The following INHBA variants were observed in gnomAD, a reference collection of about 807,000 sequenced individuals.
INHBA encodes inhibin beta A chain.
Under a neutral mutation model 29.0 loss-of-function variants are expected in INHBA, and 1 was observed. The ratio of observed to expected loss-of-function variants is 0.03; its 90% confidence interval spans 0.01 to 0.16. The LOEUF (loss-of-function observed/expected upper bound fraction) is 0.16. Ranked by LOEUF, INHBA falls within the 10% of genes least tolerant of loss-of-function variation. The pLI is 1.00. For missense variants in INHBA, 376 were observed against 545.4 expected, an observed-to-expected ratio of 0.69 and a Z score of 3.09; for synonymous variants, 242 against 216.8, an observed-to-expected ratio of 1.12 and a Z score of -1.02.
At position 41,685,158 on chromosome 7, in the gene INHBA, C is replaced by T. The variant is rs895731008; in HGVS notation, c.*4492G>A. On this transcript the variant is annotated 3_prime_UTR_variant, in exon 3 of 3. Coordinates refer to ENST00000242208, the MANE Select transcript of INHBA (RefSeq NM_002192.4). The stretch of plus-strand genomic sequence containing the variant: ...TTTATTTAACATAAGGCCAAAGAAG[C>T]TATCAGGCGTTGCTGAATACTGTCC... 2 of 152,068 alleles carry T rather than the reference C, an allele frequency of 1.3e-5. No individual in the cohort carries two copies. The highest frequency in any genetic ancestry group is 1.9e-4 in the East Asian group (1 of 5,192). 9.4% of individuals were successfully genotyped at this position (152,068 alleles called of 1,614,324 possible).
upstream of INHBA, among the ~76,000 whole-genome samples, chr7:41,704,971 G>T (rs932358160): frequency 5.9e-5 from 9 of 152,072 alleles, no homozygotes; most frequent in Non-Finnish European, 1.3e-4. Context: ...TGCCAGGCCA[G>T]CCTACCAGCC....
At position 41,703,041 on chromosome 7, in the gene INHBA, T is replaced by A. The variant is rs1038290802; in HGVS notation, c.-180A>T. 1 of 152,228 alleles carries A rather than the reference T, an allele frequency of 6.6e-6. No individual in the cohort carries two copies. The highest frequency in any genetic ancestry group is 1.9e-4 in the East Asian group (1 of 5,202). The allele number at this position is 152,228 out of a possible 1,614,324, so 9.4% of individuals were successfully genotyped here. ...CCACTCTTCCACCAGCCGGCTCTTG[T>A]ATCATGTGGTAAGAGCTGTCTGAGC... On this transcript the variant is annotated 5_prime_UTR_variant, in exon 1 of 3. Coordinates refer to ENST00000242208, the MANE Select transcript of INHBA (RefSeq NM_002192.4).
upstream of INHBA, among the ~76,000 whole-genome samples, chr7:41,704,557 C>G (rs1794867513): frequency 6.6e-6 from 1 of 151,684 alleles, no homozygotes; most frequent in African/African-American, 2.4e-5. Context: ...TCACCCCTGA[C>G]CCACACATGA....
At chr7:41,702,288 A>G (rs1437367720) in intron 1 of INHBA, among the ~76,000 whole-genome samples, 1 of 152,228 alleles carries the variant, frequency 6.6e-6, no homozygotes, top group Non-Finnish European at 1.5e-5. Context: ...CAGGTTAACA[A>G]TGCTTTCTGA....
At chr7:41,704,610 TAGTG>T (rs1484271710), upstream of INHBA, among the ~76,000 whole-genome samples, 5 of 77,300 alleles carry the variant, frequency 6.5e-5, no homozygotes, top group African/African-American at 1.0e-4. Flanking sequence ...CCACACAAAG[TAGTG>T]TGTGTGTGTG....
At chr7:41,699,028 G>A (rs1291641150) in intron 2 of INHBA, among the ~76,000 whole-genome samples, 1 of 152,208 alleles carries the variant, frequency 6.6e-6, no homozygotes, top group African/African-American at 2.4e-5. Flanking sequence ...GCATGGGCTT[G>A]CAGGCATGCA....
chr7:41,691,939 AT>A (rs1431134888), intron 2 of INHBA: 1 of 152,238 alleles, frequency 6.6e-6, no homozygotes, highest in East Asian at 1.9e-4. Flanking sequence ...CCAGAAACAT[AT>A]GTCAAATAGC....
rs1266432565 is a variant in INHBA at position 41,690,315 on chromosome 7, G to C, written c.616C>G (p.Leu206Val). 2 of 1,614,074 alleles carry C rather than the reference G, an allele frequency of 1.2e-6. No homozygotes were observed. Among genetic ancestry groups the C allele is most frequent in the East Asian group, 2.2e-5 (1 of 44,842 alleles). The change falls in exon 3 of 3, where the codon CTC (leucine) becomes GTC (valine). Residue 206 changes from leucine to valine, a missense_variant. Physicochemically the swap from Leu to Val is conservative, Grantham distance 32 (BLOSUM62 1). This residue lies in a region of INHBA where 253 missense variants were observed against 313.4 expected (regional missense o/e 0.81). Transcript: ENST00000242208. ...CGAGCGTCTACTACTTTTTCAGAGA[G>C]CAACAGTTCACTCCTCTCCCCCTTT... ...GLKGERSELL[L>V]SEKVVDARKS...
chr7:41,689,712 C>T lies in INHBA; in HGVS notation c.1219G>A (p.Gly407Ser), dbSNP rs772344962. The T allele has an allele frequency of 3.1e-6, 5 of 1,612,684 alleles. No homozygotes were observed. The African/African-American group carries it at 5.3e-5, about 17-fold the overall frequency. The change falls in exon 3 of 3, where the codon GGT becomes AGT. Residue 407 changes from glycine to serine, a missense_variant. Around this residue, in one of 4 missense-constraint regions of INHBA, gnomAD observed 50 missense variants for 137.9 expected, o/e 0.36. Transcript: ENST00000242208. The stretch of plus-strand genomic sequence containing the variant: ...ATGTCCTTTTTGATGATGTTTTGAC[C>T]ATCATCATAGTACAACATGGACATG... ...RPMSMLYYDD[G>S]QNIIKKDIQN... is the part of the protein sequence containing the mutation.
upstream of INHBA, among the ~76,000 whole-genome samples, chr7:41,704,916 G>A (rs1182201093): frequency 6.6e-6 from 1 of 152,090 alleles, no homozygotes; most frequent in Admixed American, 6.5e-5. Flanking sequence ...ACACAAGTGT[G>A]ACTCTGAAAC....
upstream of INHBA, among the ~76,000 whole-genome samples, chr7:41,704,064 A>G (rs145922330): frequency 1.7e-4 from 26 of 152,282 alleles, 1 homozygote; most frequent in East Asian, 5.0e-3. Flanking sequence ...TCTCATGACA[A>G]GTTGGATAAA....
intron 2 of INHBA, among the ~76,000 whole-genome samples, chr7:41,693,701 T>A (rs1014095126): frequency 3.3e-5 from 5 of 152,222 alleles, no homozygotes; most frequent in African/African-American, 1.2e-4. Context: ...CAGAGAGTCA[T>A]CATAAAATGA....
upstream of INHBA, among the ~76,000 whole-genome samples, chr7:41,705,061 G>A (rs1302472031): frequency 1.3e-5 from 2 of 152,184 alleles, no homozygotes; most frequent in Non-Finnish European, 2.9e-5. Flanking sequence ...GGGGGTGGTG[G>A]AGGAAGCAGG....
At chr7:41,691,182 G>A (rs1256060618) in intron 2 of INHBA, 1 of 152,426 alleles carries the variant, frequency 6.6e-6, no homozygotes, top group Non-Finnish European at 1.5e-5. Context: ...GCAGCCCCTG[G>A]CCCCACCTCG....
intron 2 of INHBA, among the ~76,000 whole-genome samples, chr7:41,699,043 A>G (rs1794712273): frequency 6.6e-6 from 1 of 152,228 alleles, no homozygotes. Flanking sequence ...CATGCAAAGG[A>G]TCTGTGTCAC....
At chr7:41,703,715 A>T (rs975510198), upstream of INHBA, among the ~76,000 whole-genome samples, 1 of 151,956 alleles carries the variant, frequency 6.6e-6, no homozygotes, top group African/African-American at 2.4e-5. Flanking sequence ...TCTTTAAATG[A>T]ACTTCATAAG....
Position 41,700,370 on chromosome 7 carries a change from G to A in INHBA, c.5C>T (p.Pro2Leu). ...CAGAAATCCTCTCAGCCAAAGCAAG[G>A]GCATCCTGGCAGCAAAAGTTGTTGT... MPLLWLRGFLLA... is the reference protein window; with the variant it reads MLLLWLRGFLLA... Residue 2 changes from proline to leucine, a missense_variant, in exon 2 of 3, where the codon CCC becomes CTC. Pro to Leu is a moderately conservative substitution (Grantham distance 98, BLOSUM62 -3). Coordinates refer to ENST00000242208, the MANE Select transcript of INHBA (RefSeq NM_002192.4). The A allele has an allele frequency of 6.9e-7, 1 of 1,456,806 alleles. No individual in the cohort carries two copies. The highest frequency in any genetic ancestry group is 9.1e-7 in the Non-Finnish European group (1 of 1,103,480). The allele number at this position is 1,456,806 out of a possible 1,614,324, so 90.2% of individuals were successfully genotyped here.
At chr7:41,692,310 G>A (rs956300876) in intron 2 of INHBA, 8 of 152,054 alleles carry the variant, frequency 5.3e-5, no homozygotes, top group Non-Finnish European at 8.8e-5. Context: ...TCCCTGGGAG[G>A]ATCTCCCTGC....
chr7:41,702,711 C>T (rs1794823211), intron 1 of INHBA, among the ~76,000 whole-genome samples: 1 of 152,174 alleles, frequency 6.6e-6, no homozygotes, highest in Admixed American at 6.5e-5. Flanking sequence ...TTTGGATTCT[C>T]TCTGCATCTG....
Sources: gnomAD v4.1 joint callset for allele counts (sites outside exome capture counted in the v4.1 genomes callset) on GRCh38, gnomAD v4.1.1 for gene constraint, gnomAD v4.1.1 regional missense constraint, MANE v1.5 for transcripts, NCBI Gene and HGNC (gene_info 2026-07-23, HGNC 2026-07-21) for gene names.